Variants in YES1 observed in about 807,000 individuals in gnomAD.
YES1 encodes the protein tyrosine-protein kinase Yes.
YES1 carries 39 observed loss-of-function variants against 70.4 expected under a neutral mutation model. That is an observed-to-expected ratio of 0.55 (90% CI 0.43 to 0.72). The LOEUF is 0.72. Among genes scored for constraint, YES1 ranks in the 30% least tolerant of loss-of-function variants. The pLI is 0.00. For synonymous variants in YES1, 198 were observed against 218.6 expected, an observed-to-expected ratio of 0.91 and a Z score of 0.83; for missense variants, 495 against 644.8, an observed-to-expected ratio of 0.77 and a Z score of 2.52.
intron 1 of YES1, among the ~76,000 whole-genome samples, chr18:767,827 A>G (rs1904981482): frequency 6.6e-6 from 1 of 152,014 alleles, no homozygotes; most frequent in Non-Finnish European, 1.5e-5. Context: ...CAGCTTCCCA[A>G]GTAGCTGGGA....
chr18:736,745 T>C (rs1166603915), intron 10 of YES1, 63 bp downstream of exon 10: 3 of 1,560,090 alleles, frequency 1.9e-6, no homozygotes, highest in Middle Eastern at 2.4e-4. Flanking sequence ...AAACCCTGTA[T>C]AGTCAAGAGA....
intron 6 of YES1, among the ~76,000 whole-genome samples, chr18:744,473 T>C (rs993992921): frequency 1.3e-5 from 2 of 151,672 alleles, no homozygotes; most frequent in Admixed American, 1.3e-4. Flanking sequence ...CACTGCAACT[T>C]CCACCTCCCA....
chr18:730,404 G>A (rs1366434308), intron 11 of YES1, among the ~76,000 whole-genome samples: 2 of 151,192 alleles, frequency 1.3e-5, no homozygotes, highest in African/African-American at 4.9e-5. Context: ...GAGTGCAGTG[G>A]CGCAATCATA....
At chr18:773,408 A>G (rs1905239097) in intron 1 of YES1, among the ~76,000 whole-genome samples, 1 of 152,230 alleles carries the variant, frequency 6.6e-6, no homozygotes, top group Non-Finnish European at 1.5e-5. Flanking sequence ...TCTCAGGAGC[A>G]GAGAAGTAAA....
chr18:769,640 G>C (rs893743989), intron 1 of YES1, among the ~76,000 whole-genome samples: 1 of 152,098 alleles, frequency 6.6e-6, no homozygotes, highest in African/African-American at 2.4e-5. Flanking sequence ...AGTGAATTTT[G>C]TCAAAAGCTT....
chr18:762,176 T>A (rs1311986462), intron 1 of YES1, among the ~76,000 whole-genome samples: 1 of 152,156 alleles, frequency 6.6e-6, no homozygotes, highest in Non-Finnish European at 1.5e-5. Flanking sequence ...CAAAATTAGC[T>A]GGGCGTGGTG....
At chr18:744,020 T>C (rs1395199243) in intron 6 of YES1, among the ~76,000 whole-genome samples, 1 of 149,884 alleles carries the variant, frequency 6.7e-6, no homozygotes, top group African/African-American at 2.4e-5. Flanking sequence ...TACTAATATA[T>C]AGTAGATATG....
chr18:812,016 C>T, intron 1 of YES1, 98 bp downstream of exon 1: 1 of 167,944 alleles, frequency 6.0e-6, no homozygotes, highest in Non-Finnish European at 1.2e-5. Context: ...GGCGGGGAAC[C>T]GCGGCGGCGG....
Position 754,497 on chromosome 18 carries a change from G to T in YES1, c.271+2060C>A, listed in dbSNP as rs545442339. Reference sequence around the variant, plus strand: ...CAAGGCAGGCACATCCCCTAAATCAGGAGTTTAAGACCAGCCTGGCCAACG... The same window carrying T: ...CAAGGCAGGCACATCCCCTAAATCATGAGTTTAAGACCAGCCTGGCCAACG... On this transcript the variant is annotated intron_variant, in intron 2 of 11. Transcript: ENST00000314574. 5.9e-4 allele frequency among the ~76,000 whole-genome samples: 90 copies of T among 152,190 alleles called. No individual in the cohort carries two copies. The Middle Eastern group carries it at 0.017, about 29-fold the overall frequency.
At chr18:793,513 T>C (rs1445938754) in intron 1 of YES1, among the ~76,000 whole-genome samples, 1 of 152,036 alleles carries the variant, frequency 6.6e-6, no homozygotes, top group African/African-American at 2.4e-5. Context: ...ATTTTTTAAT[T>C]TTTTGCAGAG....
chr18:783,661 G>C (rs541643634), intron 1 of YES1, among the ~76,000 whole-genome samples: 25 of 150,674 alleles, frequency 1.7e-4, no homozygotes, highest in African/African-American at 6.1e-4. Context: ...CTGTTGCCCA[G>C]GCTGGAGTGC....
chr18:775,341 T>G (rs1905325664), intron 1 of YES1: 1 of 152,148 alleles, frequency 6.6e-6, no homozygotes, highest in East Asian at 1.9e-4. Context: ...AGTGAATGAA[T>G]TACATAAACT....
At chr18:743,848 G>A (rs1429061718) in intron 6 of YES1, among the ~76,000 whole-genome samples, 1 of 151,316 alleles carries the variant, frequency 6.6e-6, no homozygotes, top group Non-Finnish European at 1.5e-5. Flanking sequence ...AGAGGTTGCA[G>A]TGAGCCAAAA....
chr18:744,565 A>G (rs1228977454), intron 6 of YES1, among the ~76,000 whole-genome samples: 2 of 150,478 alleles, frequency 1.3e-5, no homozygotes, highest in African/African-American at 4.9e-5. Flanking sequence ...AAATTTTTTT[A>G]TATTTTAATA....
At chr18:733,203 C>T (rs1385343679) in intron 10 of YES1, among the ~76,000 whole-genome samples, 1 of 152,072 alleles carries the variant, frequency 6.6e-6, no homozygotes, top group African/African-American at 2.4e-5. Flanking sequence ...GCTGTGGGAA[C>T]AGAAAACAAT....
chr18:729,210 C>T (rs1310347803), intron 11 of YES1, among the ~76,000 whole-genome samples: 5 of 152,050 alleles, frequency 3.3e-5, no homozygotes, highest in Admixed American at 1.3e-4. Context: ...CTATTATGCC[C>T]ATCTAGTGAG....
chr18:727,894 C>T (rs1173697599), intron 11 of YES1, among the ~76,000 whole-genome samples: 1 of 152,054 alleles, frequency 6.6e-6, no homozygotes, highest in Non-Finnish European at 1.5e-5. Context: ...GACTGTTGTT[C>T]CTGCGTAGAT....
chr18:785,925 GAC>G (rs1437752227), intron 1 of YES1, among the ~76,000 whole-genome samples: 2 of 152,082 alleles, frequency 1.3e-5, no homozygotes, highest in Non-Finnish European at 2.9e-5. Flanking sequence ...GCAAAAGAGT[GAC>G]ACTGTCTTTT....
At chr18:726,713 G>A (rs1214515115) in intron 11 of YES1, among the ~76,000 whole-genome samples, 15 of 144,488 alleles carry the variant, frequency 1.0e-4, no homozygotes, top group Admixed American at 1.5e-4. Flanking sequence ...CCTGGGAGGC[G>A]GAGGTTGCAG....
Sources: gnomAD v4.1 joint callset for allele counts (sites outside exome capture counted in the v4.1 genomes callset) on GRCh38, gnomAD v4.1.1 for gene constraint, MANE v1.5 for transcripts, NCBI Gene and HGNC (gene_info 2026-07-23, HGNC 2026-07-21) for gene names.